Variants in RGMA observed in about 807,000 individuals in gnomAD.
RGMA encodes repulsive guidance molecule A.
In RGMA, 10 loss-of-function variants were observed where a neutral mutation model predicts 23.2. The ratio of observed to expected loss-of-function variants is 0.43; its 90% CI spans 0.27 to 0.73. The LOEUF (loss-of-function observed/expected upper bound fraction) is 0.73. RGMA is among the 30% of genes least tolerant of loss of function. RGMA has a pLI of 0.20. For missense variants in RGMA, 547 were observed against 630.5 expected, an observed-to-expected ratio of 0.87 and a Z score of 1.42; for synonymous variants, 308 against 279.3, an observed-to-expected ratio of 1.10 and a Z score of -1.03.
At chr15:93,057,659 C>T (rs1243626826) in intron 2 of RGMA, among the ~76,000 whole-genome samples, 2 of 152,194 alleles carry the variant, frequency 1.3e-5, no homozygotes, top group Non-Finnish European at 1.5e-5. Context: ...CCCTCCTCTC[C>T]TTCCTGCACC....
intron 2 of RGMA, among the ~76,000 whole-genome samples, chr15:93,063,275 A>G (rs774602608): frequency 6.6e-6 from 1 of 152,214 alleles, no homozygotes; most frequent in Non-Finnish European, 1.5e-5. Context: ...CCTTAGCCAC[A>G]TGGTATGTCC....
At chr15:93,072,888 C>G in intron 2 of RGMA, 28 bp downstream of exon 2, 1 of 1,581,398 alleles carries the variant, frequency 6.3e-7, no homozygotes, top group African/African-American at 1.3e-5. Context: ...GGGACCCGGC[C>G]CCGCGCGCCC....
chr15:93,053,282 C>CTATGG (rs1272262532), intron 2 of RGMA, among the ~76,000 whole-genome samples: 3 of 152,234 alleles, frequency 2.0e-5, no homozygotes, highest in Non-Finnish European at 4.4e-5. Context: ...CTTTAACACA[C>CTATGG]CTTATCTTCT....
Position 93,069,386 on chromosome 15 carries a change from G to A in RGMA, c.130+3530C>T, listed in dbSNP as rs1399465623. ...CGGCCTCTCAAAGTGCTGGGGTTACGGGCGTGAGCCACCGCGCCTGGCCGA... is the reference window on the plus strand; with the variant it reads ...CGGCCTCTCAAAGTGCTGGGGTTACAGGCGTGAGCCACCGCGCCTGGCCGA... On this transcript the variant is annotated intron_variant, in intron 2 of 3. Coordinates refer to ENST00000329082, the MANE Select transcript of RGMA (RefSeq NM_020211.3). Among the ~76,000 whole-genome samples the A allele has an allele frequency of 2.6e-5, 4 of 152,128 alleles. No individual in the cohort carries two copies. In the East Asian group the frequency reaches 5.8e-4, roughly 22 times the overall value.
chr15:93,062,579 G>A (rs1470128375), intron 2 of RGMA, among the ~76,000 whole-genome samples: 2 of 152,168 alleles, frequency 1.3e-5, no homozygotes, highest in African/African-American at 2.4e-5. Context: ...AGCAAATGTC[G>A]CTCAGCTTCA....
chr15:93,074,094 G>T, intron 1 of RGMA: 1 of 1,065,068 alleles, frequency 9.4e-7, no homozygotes, highest in Non-Finnish European at 1.2e-6. Flanking sequence ...TAAGGGACTG[G>T]TAACTTCCCC....
At chr15:93,074,628 C>T (rs754018119) in intron 1 of RGMA, among the ~76,000 whole-genome samples, 97 of 152,318 alleles carry the variant, frequency 6.4e-4, no homozygotes, top group Non-Finnish European at 1.1e-3. Context: ...TATTTTTCCC[C>T]CAAACCAGGG....
chr15:93,057,853 G>T (rs991658305), intron 2 of RGMA, among the ~76,000 whole-genome samples: 1 of 152,072 alleles, frequency 6.6e-6, no homozygotes, highest in Non-Finnish European at 1.5e-5. Context: ...GGGAGAGATT[G>T]GGGGGTGGCA....
At chr15:93,066,610 TG>T in intron 2 of RGMA, 1 of 452,944 alleles carries the variant, frequency 2.2e-6, no homozygotes, top group Non-Finnish European at 4.3e-6. Context: ...ATCGTCGCCG[TG>T]GGGACTGCCG....
At chr15:93,080,939 T>C (rs1425171172) in intron 1 of RGMA, among the ~76,000 whole-genome samples, 2 of 152,202 alleles carry the variant, frequency 1.3e-5, no homozygotes, top group African/African-American at 4.8e-5. Flanking sequence ...TGTCTGAGAC[T>C]TCCTATCACA....
In RGMA at chr15:93,038,610, C is replaced by CAGGCTGG. The variant is rs1359452325; in HGVS notation, c.*6381_*6387dup. 1.7e-5 allele frequency: 2 copies of CAGGCTGG among 116,736 alleles called. No homozygotes were observed. The highest frequency in any genetic ancestry group is 2.4e-4 in the South Asian group (1 of 4,116). The allele number at this position is 116,736 out of a possible 1,614,324, so 7.2% of individuals were successfully genotyped here. A position where few individuals can be genotyped will look rare whatever the true frequency, so the allele number is the denominator to read the frequency against. On this transcript the variant is annotated 3_prime_UTR_variant, in exon 4 of 4. Coordinates refer to ENST00000329082, the MANE Select transcript of RGMA (RefSeq NM_020211.3). ...TGAGACGGTGTCTTGCTCTGTCGCC[C>CAGGCTGG]AGGCTGGAGGCTGGAGTGCAGTGGT...
intron 3 of RGMA, among the ~76,000 whole-genome samples, chr15:93,051,026 T>TC (rs1236911331): frequency 1.3e-5 from 2 of 152,124 alleles, no homozygotes; most frequent in Non-Finnish European, 2.9e-5. Context: ...CGGCTGCAAG[T>TC]CTTCTCCATT....
At chr15:93,073,429 C>T (rs1895407457) in intron 1 of RGMA, 1 of 807,398 alleles carries the variant, frequency 1.2e-6, no homozygotes, top group Non-Finnish European at 1.9e-6. Context: ...CAGCCCGCGG[C>T]TGTCCTTGCA....
At chr15:93,058,302 G>A (rs2055046718) in intron 2 of RGMA, among the ~76,000 whole-genome samples, 1 of 152,224 alleles carries the variant, frequency 6.6e-6, no homozygotes, top group Non-Finnish European at 1.5e-5. Flanking sequence ...AGAGCATCGA[G>A]ATCAACTCCA....
At chr15:93,053,996 GAGGC>G (rs1464175507) in intron 2 of RGMA, among the ~76,000 whole-genome samples, 1 of 152,090 alleles carries the variant, frequency 6.6e-6, no homozygotes, top group East Asian at 1.9e-4. Context: ...TTGGGAGGCC[GAGGC>G]AGGCAGATCA....
intron 1 of RGMA, among the ~76,000 whole-genome samples, chr15:93,078,765 A>T (rs1895513308): frequency 6.6e-6 from 1 of 152,220 alleles, no homozygotes; most frequent in Non-Finnish European, 1.5e-5. Context: ...GGTAGAGCCC[A>T]GGTAGAATAC....
chr15:93,063,492 C>G (rs955558946), intron 2 of RGMA, among the ~76,000 whole-genome samples: 2 of 152,204 alleles, frequency 1.3e-5, no homozygotes, highest in Non-Finnish European at 2.9e-5. Context: ...GTTGAGATGC[C>G]TGAGGCTGCC....
intron 3 of RGMA, among the ~76,000 whole-genome samples, chr15:93,051,285 G>A (rs757578686): frequency 6.6e-6 from 1 of 152,178 alleles, no homozygotes; most frequent in Admixed American, 6.5e-5. Flanking sequence ...CCGACACACG[G>A]CCTTCCAACT....
chr15:93,087,665 A>G (rs1032747068), intron 1 of RGMA, among the ~76,000 whole-genome samples: 1 of 152,166 alleles, frequency 6.6e-6, no homozygotes, highest in Non-Finnish European at 1.5e-5. Context: ...AGGTTTGTGC[A>G]TTGGTTTTCA....
Sources: allele counts gnomAD v4.1 joint callset (sites outside exome capture counted in the v4.1 genomes callset), GRCh38; gene constraint gnomAD v4.1.1; transcripts MANE v1.5; gene names NCBI Gene and HGNC (gene_info 2026-07-23, HGNC 2026-07-21).